The following MGAT4C variants were observed in gnomAD, a reference collection of about 807,000 sequenced individuals.
The protein encoded by MGAT4C is alpha-1,3-mannosyl-glycoprotein 4-beta-N-acetylglucosaminyltransferase C.
Under a neutral mutation model 40.1 loss-of-function variants are expected in MGAT4C, and 19 were observed. The observed-to-expected ratio is 0.47, with a 90% CI of 0.33 to 0.70. MGAT4C has a LOEUF of 0.70. MGAT4C is among the 30% of genes least tolerant of loss of function. MGAT4C has a pLI of 0.02. For synonymous variants in MGAT4C, 181 were observed against 187.1 expected (o/e 0.97, Z 0.27); for missense variants, 491 against 563.2 (o/e 0.87, Z 1.30).
chr12:86,271,039 A>G (rs1262632746), intron 4 of MGAT4C, among the ~76,000 whole-genome samples: 1 of 152,238 alleles, frequency 6.6e-6, no homozygotes, highest in African/African-American at 2.4e-5. Flanking sequence ...AGATTTAAAT[A>G]TAAGACAAGA....
intron 3 of MGAT4C, among the ~76,000 whole-genome samples, chr12:86,397,900 C>T (rs1956289100): frequency 6.6e-6 from 1 of 152,122 alleles, no homozygotes; most frequent in Non-Finnish European, 1.5e-5. Flanking sequence ...GAGTTTGAAG[C>T]TGCAGTGAGC....
chr12:86,650,859 A>T (rs1288232617), intron 2 of MGAT4C, among the ~76,000 whole-genome samples: 1 of 151,948 alleles, frequency 6.6e-6, no homozygotes, highest in East Asian at 1.9e-4. Context: ...AAAAGCACTG[A>T]ACCTTTTGGT....
rs148402924 is a variant in MGAT4C at position 86,543,247 on chromosome 12, T to A, written c.-228-107982A>T. ...TAGTTTTATATTCCTACCTTATTAA[T>A]CATATGGCAATTTTTATATTTACAT... is the stretch of plus-strand genomic sequence containing the variant. On this transcript the variant is annotated intron_variant, in intron 2 of 7. Transcript: ENST00000548651. Among the ~76,000 whole-genome samples the A allele has an allele frequency of 2.5e-3, 374 of 151,576 alleles. 1 individual carries two copies. Among genetic ancestry groups the A allele is most frequent in the African/African-American group, 8.9e-3 (367 of 41,458 alleles).
At chr12:86,099,460 T>G (rs1252146647) in intron 1 of MGAT4C, among the ~76,000 whole-genome samples, 1 of 151,186 alleles carries the variant, frequency 6.6e-6, no homozygotes, top group African/African-American at 2.4e-5. Flanking sequence ...CCGGGATACA[T>G]GTGCAGAACG....
At chr12:86,634,049 T>C (rs1009488010) in intron 2 of MGAT4C, among the ~76,000 whole-genome samples, 1 of 152,098 alleles carries the variant, frequency 6.6e-6, no homozygotes, top group African/African-American at 2.4e-5. Flanking sequence ...TGGAGCTTAT[T>C]GTAAGTATAT....
chr12:86,545,761 A>T (rs530425527), intron 2 of MGAT4C, among the ~76,000 whole-genome samples: 2 of 151,902 alleles, frequency 1.3e-5, no homozygotes, highest in Admixed American at 6.6e-5. Context: ...GAAGGGAATT[A>T]TGGTATTTTG....
At position 86,441,275 on chromosome 12, in the gene MGAT4C, C is replaced by T. The variant is rs996770205; in HGVS notation, c.-228-6010G>A. On this transcript the variant is annotated intron_variant, in intron 2 of 7. Coordinates refer to the MGAT4C transcript ENST00000548651. ...ACTAATATAAAAGCAGATGCATAGACCAATGCAACAAAATAGAGAATTCAG... is the reference window on the plus strand; with the variant it reads ...ACTAATATAAAAGCAGATGCATAGATCAATGCAACAAAATAGAGAATTCAG... Among the ~76,000 whole-genome samples the T allele has an allele frequency of 4.6e-5, 7 of 151,796 alleles. 1 individual carries two copies. The highest frequency in any genetic ancestry group is 6.8e-3 in the Middle Eastern group (2 of 292).
At chr12:85,984,802 G>A (rs111312094) in intron 3 of MGAT4C, among the ~76,000 whole-genome samples, 1,893 of 151,490 alleles carry the variant, frequency 0.012, 20 homozygotes, top group Middle Eastern at 0.034. Context: ...TCTTTGAGAT[G>A]GAGTCTGGCT....
Position 85,967,906 on chromosome 12 carries a change from T to G in MGAT4C, c.*11383A>C, listed in dbSNP as rs941107726. 4.6e-5 allele frequency: 7 copies of G among 152,084 alleles called. No homozygotes were observed. Among genetic ancestry groups the G allele is most frequent in the Non-Finnish European group, 1.0e-4 (7 of 67,944 alleles). 9.4% of individuals were successfully genotyped at this position (152,084 alleles called of 1,614,324 possible). A position where few individuals can be genotyped will look rare whatever the true frequency, so the allele number is the denominator to read the frequency against. The stretch of plus-strand genomic sequence containing the variant: ...AATAGCTATCTCAAGTTTCGTACAC[T>G]TTTTAGATCTCTATGTAAATACATT... On this transcript the variant is annotated 3_prime_UTR_variant, in exon 5 of 5. Transcript: ENST00000611864.
chr12:86,638,443 A>T (rs1301619743), intron 2 of MGAT4C, among the ~76,000 whole-genome samples: 1 of 151,796 alleles, frequency 6.6e-6, no homozygotes, highest in Non-Finnish European at 1.5e-5. Context: ...AGTATTTGGA[A>T]ATTGGGCTTT....
intron 2 of MGAT4C, among the ~76,000 whole-genome samples, chr12:86,540,812 A>C (rs1368335102): frequency 6.6e-6 from 1 of 152,190 alleles, no homozygotes; most frequent in African/African-American, 2.4e-5. Context: ...TCATATTTTT[A>C]AATTTTGAAT....
intron 2 of MGAT4C, among the ~76,000 whole-genome samples, chr12:86,587,460 A>C (rs1205158267): frequency 6.6e-6 from 1 of 152,018 alleles, no homozygotes; most frequent in Non-Finnish European, 1.5e-5. Context: ...TATGAACTTT[A>C]AAGTTGTTTT....
chr12:86,331,306 CTTGGGAGGGG>C (rs1954662828), intron 4 of MGAT4C, among the ~76,000 whole-genome samples: 1 of 152,170 alleles, frequency 6.6e-6, no homozygotes, highest in South Asian at 2.1e-4. Context: ...CCTGCTAGCA[CTTGGGAGGGG>C]TTGCATGAGC....
chr12:86,697,740 T>C (rs951725311), intron 2 of MGAT4C, among the ~76,000 whole-genome samples: 1 of 152,118 alleles, frequency 6.6e-6, no homozygotes, highest in Non-Finnish European at 1.5e-5. Flanking sequence ...ATGATGTTGA[T>C]AAAGCTGATG....
chr12:86,295,458 T>A (rs1953641610), intron 4 of MGAT4C, among the ~76,000 whole-genome samples: 1 of 151,776 alleles, frequency 6.6e-6, no homozygotes, highest in African/African-American at 2.4e-5. Flanking sequence ...GGCTCAGGAG[T>A]GAAGCTGCAG....
intron 4 of MGAT4C, among the ~76,000 whole-genome samples, chr12:86,331,735 T>C (rs1281636750): frequency 6.6e-6 from 1 of 152,136 alleles, no homozygotes; most frequent in Non-Finnish European, 1.5e-5. Context: ...TCTGCCTGAC[T>C]ACCTAATGTA....
At chr12:86,364,843 G>T (rs1955558047) in intron 3 of MGAT4C, among the ~76,000 whole-genome samples, 1 of 152,106 alleles carries the variant, frequency 6.6e-6, no homozygotes, top group South Asian at 2.1e-4. Flanking sequence ...GCTTCACAAG[G>T]TAATAGAATA....
chr12:86,502,940 CTGCTCAT>C (rs1958386099), intron 2 of MGAT4C, among the ~76,000 whole-genome samples: 1 of 11,350 alleles, frequency 8.8e-5, no homozygotes, highest in African/African-American at 3.4e-4. Flanking sequence ...TATATGAGTT[CTGCTCAT>C]ATATATATAT....
chr12:86,471,997 T>C (rs560795664), intron 2 of MGAT4C, among the ~76,000 whole-genome samples: 10 of 152,258 alleles, frequency 6.6e-5, no homozygotes, highest in African/African-American at 2.2e-4. Context: ...TAAGTGCCAA[T>C]AGTTTTTGTA....
Sources: gnomAD v4.1 joint callset for allele counts (sites outside exome capture counted in the v4.1 genomes callset) on GRCh38, gnomAD v4.1.1 for gene constraint, MANE v1.5 for transcripts, NCBI Gene and HGNC (gene_info 2026-07-23, HGNC 2026-07-21) for gene names.